Variants in NCMAP observed in about 807,000 individuals in gnomAD.
The protein encoded by NCMAP is non-compact myelin associated protein, also known as noncompact myelin-associated protein.
A neutral mutation model predicts 7.8 loss-of-function variants in NCMAP; 8 were observed. The ratio of observed to expected loss-of-function variants is 1.02; its 90% confidence interval spans 0.60 to 1.84. The LOEUF (loss-of-function observed/expected upper bound fraction) is 1.84. Among genes scored for constraint, NCMAP ranks in the 40% most tolerant of loss-of-function variants. The pLI is 0.00. For synonymous variants in NCMAP, 41 were observed against 52.9 expected (o/e 0.78, Z 0.98); for missense variants, 112 against 131.4 (o/e 0.85, Z 0.72).
chr1:24,558,581 T>G (rs1185940711), intron 1 of NCMAP, among the ~76,000 whole-genome samples: 1 of 152,166 alleles, frequency 6.6e-6, no homozygotes. Flanking sequence ...GGCCTCACAC[T>G]ATGTCACTGT....
intron 1 of NCMAP, among the ~76,000 whole-genome samples, chr1:24,561,452 GAAAT>G (rs917508168): frequency 8.5e-5 from 13 of 152,154 alleles, no homozygotes; most frequent in Non-Finnish European, 1.6e-4. Flanking sequence ...GATTTTAAAA[GAAAT>G]AAAAACATTT....
At chr1:24,568,415 C>G (rs569392677) in intron 1 of NCMAP, among the ~76,000 whole-genome samples, 19 of 152,216 alleles carry the variant, frequency 1.2e-4, no homozygotes, top group African/African-American at 4.1e-4. Flanking sequence ...CCTGGGGTCC[C>G]CAGGGACCTC....
At chr1:24,560,180 A>G (rs1033496818) in intron 1 of NCMAP, among the ~76,000 whole-genome samples, 2 of 151,598 alleles carry the variant, frequency 1.3e-5, no homozygotes, top group African/African-American at 4.8e-5. Flanking sequence ...AAAAAAAAAA[A>G]AAAAATTTGT....
Position 24,557,350 on chromosome 1 carries a change from C to T in NCMAP, c.-8+1181C>T, listed in dbSNP as rs114984256. 3.0e-3 allele frequency among the ~76,000 whole-genome samples: 456 copies of T among 152,136 alleles called. 3 individuals carry two copies. The highest frequency in any genetic ancestry group is 0.01 in the African/African-American group (433 of 41,470). Reference sequence around the variant, plus strand: ...AGTTATAAGCAGAAGCCAAGAGCAACAGATTATAGGCACCCCCTCTTATGG... The same window carrying T: ...AGTTATAAGCAGAAGCCAAGAGCAATAGATTATAGGCACCCCCTCTTATGG... On this transcript the variant is annotated intron_variant, in intron 1 of 3. Coordinates refer to ENST00000374392, the MANE Select transcript of NCMAP (RefSeq NM_001010980.5).
At chr1:24,583,606 C>T (rs2148931838) in intron 1 of NCMAP, among the ~76,000 whole-genome samples, 1 of 151,676 alleles carries the variant, frequency 6.6e-6, no homozygotes, top group African/African-American at 2.4e-5. Flanking sequence ...ATCCTAGCTA[C>T]TCAGGAGGCT....
intron 1 of NCMAP, among the ~76,000 whole-genome samples, chr1:24,582,705 T>C (rs1379992767): frequency 1.1e-4 from 17 of 152,232 alleles, no homozygotes; most frequent in Admixed American, 1.0e-3. Flanking sequence ...TTTAGCCCAC[T>C]AAGGCCAACT....
chr1:24,571,079 C>T (rs1238176102), intron 1 of NCMAP, among the ~76,000 whole-genome samples: 11 of 150,732 alleles, frequency 7.3e-5, no homozygotes, highest in Non-Finnish European at 2.9e-5. Flanking sequence ...TCCCAGCGTC[C>T]TTGGGTATAA....
At chr1:24,579,547 C>A (rs1370490300) in intron 1 of NCMAP, among the ~76,000 whole-genome samples, 1 of 152,020 alleles carries the variant, frequency 6.6e-6, no homozygotes, top group Non-Finnish European at 1.5e-5. Flanking sequence ...CTAGCCTGTG[C>A]AACATAGCAA....
chr1:24,579,326 T>G (rs570951917), intron 1 of NCMAP, among the ~76,000 whole-genome samples: 1 of 152,192 alleles, frequency 6.6e-6, no homozygotes, highest in East Asian at 1.9e-4. Flanking sequence ...GCATTGTCTC[T>G]ACTTGCCTTA....
chr1:24,577,821 C>A (rs1416969047), intron 1 of NCMAP, among the ~76,000 whole-genome samples: 1 of 151,686 alleles, frequency 6.6e-6, no homozygotes, highest in Admixed American at 6.6e-5. Context: ...AGGGTGGTTG[C>A]GAGGAAAGCT....
intron 2 of NCMAP, 84 bp from the exon 3 acceptor site, chr1:24,600,856 G>C: frequency 2.7e-6 from 3 of 1,116,084 alleles, no homozygotes; most frequent in South Asian, 1.2e-5. Context: ...GACCTAGTGA[G>C]GATGTCAGGT....
At chr1:24,592,833 G>A (rs1652087072) in intron 1 of NCMAP, among the ~76,000 whole-genome samples, 1 of 151,926 alleles carries the variant, frequency 6.6e-6, no homozygotes. Flanking sequence ...GCAGGAGAAT[G>A]GCGTGAACCC....
chr1:24,566,179 A>ACTAATGCTC (rs1353178522), intron 1 of NCMAP, among the ~76,000 whole-genome samples: 1 of 152,104 alleles, frequency 6.6e-6, no homozygotes, highest in African/African-American at 2.4e-5. Flanking sequence ...AAGAAAACAG[A>ACTAATGCTC]CTAATGCTCC....
At chr1:24,579,873 AGG>A (rs1651694843) in intron 1 of NCMAP, among the ~76,000 whole-genome samples, 1 of 152,224 alleles carries the variant, frequency 6.6e-6, no homozygotes, top group Admixed American at 6.5e-5. Flanking sequence ...CAGTATCTGT[AGG>A]TCTATTCCCT....
chr1:24,572,976 A>G (rs556067401), intron 1 of NCMAP, among the ~76,000 whole-genome samples: 1 of 150,634 alleles, frequency 6.6e-6, no homozygotes, highest in African/African-American at 2.5e-5. Context: ...ATCCAATGGG[A>G]CTGTGAACAT....
chr1:24,601,855 A>T (rs1415032002), intron 3 of NCMAP, among the ~76,000 whole-genome samples: 2 of 152,118 alleles, frequency 1.3e-5, no homozygotes, highest in Non-Finnish European at 2.9e-5. Flanking sequence ...CCTGGCTAAC[A>T]TGGTGAAACC....
At chr1:24,591,027 A>G (rs1443322638) in intron 1 of NCMAP, among the ~76,000 whole-genome samples, 2 of 152,080 alleles carry the variant, frequency 1.3e-5, no homozygotes, top group Non-Finnish European at 2.9e-5. Flanking sequence ...CAGCCCTTGC[A>G]CGGCGAAGGA....
chr1:24,556,406 C>T (rs6692221), intron 1 of NCMAP, among the ~76,000 whole-genome samples: 30,814 of 151,748 alleles, frequency 0.2, 3,268 homozygotes, highest in East Asian at 0.24. Flanking sequence ...TCCAGTGGGT[C>T]TTGGAGACGA....
chr1:24,604,888 G>T (rs1321092554), intron 3 of NCMAP, among the ~76,000 whole-genome samples: 1 of 151,340 alleles, frequency 6.6e-6, no homozygotes, highest in Non-Finnish European at 1.5e-5. Flanking sequence ...GCCGAAGTGG[G>T]TGGATCACCT....
Sources: gnomAD v4.1 joint callset for allele counts (sites outside exome capture counted in the v4.1 genomes callset) on GRCh38, gnomAD v4.1.1 for gene constraint, MANE v1.5 for transcripts, NCBI Gene and HGNC (gene_info 2026-07-23, HGNC 2026-07-21) for gene names.